Variants in RTN1 observed in about 807,000 individuals in gnomAD.
The protein encoded by RTN1 is reticulon-1.
RTN1 carries 25 observed loss-of-function variants against 65.5 expected under a neutral mutation model. The observed-to-expected ratio is 0.38, with a 90% CI of 0.28 to 0.53. The LOEUF is 0.53. Ranked by LOEUF, RTN1 falls within the 20% of genes least tolerant of loss-of-function variation. The pLI, the probability that RTN1 is intolerant of heterozygous loss-of-function variation, is 0.79. For synonymous variants in RTN1, 471 were observed against 447.6 expected (o/e 1.05, Z -0.66); for missense variants, 983 against 1,025.4 (o/e 0.96, Z 0.57).
intron 3 of RTN1, among the ~76,000 whole-genome samples, chr14:59,683,580 A>C (rs1883786102): frequency 6.6e-6 from 1 of 152,138 alleles, no homozygotes; most frequent in African/African-American, 2.4e-5. Flanking sequence ...ACAACTTCTG[A>C]AAACTTTCTT....
intron 1 of RTN1, among the ~76,000 whole-genome samples, chr14:59,783,326 C>T (rs1438414837): frequency 1.3e-5 from 2 of 152,064 alleles, no homozygotes; most frequent in African/African-American, 4.8e-5. Context: ...AAGAAAGGTG[C>T]CCTGGTGGGG....
chr14:59,828,782 G>A (rs945443624), intron 1 of RTN1, among the ~76,000 whole-genome samples: 16 of 152,152 alleles, frequency 1.1e-4, no homozygotes, highest in African/African-American at 3.6e-4. Context: ...CTCATAGTGG[G>A]GGAAAGGGAA....
chr14:59,674,840 A>C (rs1384865596), intron 3 of RTN1, among the ~76,000 whole-genome samples: 1 of 152,186 alleles, frequency 6.6e-6, no homozygotes, highest in Non-Finnish European at 1.5e-5. Context: ...TTAAAAGACA[A>C]AGTTATCTAT....
At chr14:59,764,929 T>C (rs1885821356) in intron 1 of RTN1, among the ~76,000 whole-genome samples, 1 of 152,198 alleles carries the variant, frequency 6.6e-6, no homozygotes, top group Non-Finnish European at 1.5e-5. Flanking sequence ...CATTCCTCTT[T>C]ATGTTGTCAG....
At chr14:59,800,181 T>G (rs1459105391) in intron 1 of RTN1, among the ~76,000 whole-genome samples, 44 of 152,182 alleles carry the variant, frequency 2.9e-4, no homozygotes, top group Non-Finnish European at 5.9e-5. Context: ...TGAGAGGAAT[T>G]TGAAGCCTGT....
chr14:59,869,539 G>C (rs1473409386), intron 1 of RTN1, among the ~76,000 whole-genome samples: 2 of 144,754 alleles, frequency 1.4e-5, no homozygotes, highest in African/African-American at 2.5e-5. Flanking sequence ...TGAATAGGGC[G>C]TCAGGCGAAG....
At chr14:59,671,550 C>T (rs1228778779) in intron 3 of RTN1, among the ~76,000 whole-genome samples, 1 of 152,194 alleles carries the variant, frequency 6.6e-6, no homozygotes, top group African/African-American at 2.4e-5. Context: ...AACAGACTTA[C>T]AAGGAAGGGC....
At position 59,723,422 on chromosome 14, in the gene RTN1, T is replaced by C. The variant is rs534745235; in HGVS notation, c.1765+3497A>G. Among the ~76,000 whole-genome samples the C allele has an allele frequency of 3.2e-3, 485 of 150,924 alleles. 2 individuals carry two copies. The highest frequency in any genetic ancestry group is 5.6e-3 in the Non-Finnish European group (380 of 67,720). ...GAGATCAAGACCATCCTGGCTAACA[T>C]GGTGAAACCCCATCTCCACTAAAAA... On this transcript the variant is annotated intron_variant, in intron 3 of 8. Transcript: ENST00000267484.
In RTN1 at chr14:59,694,623, G is replaced by A. The variant is rs768426220; in HGVS notation, c.1765+32296C>T. On this transcript the variant is annotated intron_variant, in intron 3 of 8. Coordinates refer to ENST00000267484, the MANE Select transcript of RTN1 (RefSeq NM_021136.3). ...GAGAAAAATGCTATATGGTGTCTTA[G>A]AGCCTCACAGCTCAGGTTGAAAAGA... 2.0e-5 allele frequency among the ~76,000 whole-genome samples: 3 copies of A among 152,158 alleles called. No individual in the cohort carries two copies. The East Asian group carries it at 5.8e-4, about 29-fold the overall frequency.
At chr14:59,770,157 G>A (rs1055509617) in intron 1 of RTN1, among the ~76,000 whole-genome samples, 1 of 151,484 alleles carries the variant, frequency 6.6e-6, no homozygotes, top group African/African-American at 2.4e-5. Context: ...GTGGGCAGAT[G>A]ACCTGAAGCC....
At chr14:59,637,009 C>A (rs773828090) in intron 3 of RTN1, among the ~76,000 whole-genome samples, 5 of 152,168 alleles carry the variant, frequency 3.3e-5, no homozygotes, top group Non-Finnish European at 7.3e-5. Flanking sequence ...AGTAAGACAG[C>A]AGTAAAGTTT....
chr14:59,848,066 G>A (rs55943355), intron 1 of RTN1, among the ~76,000 whole-genome samples: 19,232 of 152,146 alleles, frequency 0.13, 1,387 homozygotes, highest in South Asian at 0.23. Flanking sequence ...TCTTTCATCT[G>A]AGTAATGGCT....
chr14:59,813,407 C>T (rs1447069454), intron 1 of RTN1, among the ~76,000 whole-genome samples: 1 of 152,080 alleles, frequency 6.6e-6, no homozygotes, highest in Non-Finnish European at 1.5e-5. Flanking sequence ...AGTTTACTGG[C>T]CAAATTCAAT....
chr14:59,602,430 T>C (rs1294525668), intron 8 of RTN1, among the ~76,000 whole-genome samples: 1 of 152,164 alleles, frequency 6.6e-6, no homozygotes, highest in African/African-American at 2.4e-5. Flanking sequence ...GGAAAACTCC[T>C]AAGTTTAATG....
At chr14:59,779,039 A>C (rs1362733844) in intron 1 of RTN1, among the ~76,000 whole-genome samples, 1 of 152,190 alleles carries the variant, frequency 6.6e-6, no homozygotes, top group South Asian at 2.1e-4. Context: ...GAGTCTGGAA[A>C]CTGGAAGATC....
At chr14:59,750,116 A>ATAGAC in intron 1 of RTN1, among the ~76,000 whole-genome samples, 1 of 85,774 alleles carries the variant, frequency 1.2e-5, no homozygotes, top group East Asian at 3.1e-4. Context: ...TATTATATAT[A>ATAGAC]ATATATATTA....
chr14:59,644,063 C>A (rs1594649864), intron 3 of RTN1, among the ~76,000 whole-genome samples: 1 of 152,132 alleles, frequency 6.6e-6, no homozygotes, highest in South Asian at 2.1e-4. Context: ...GATAAAGACA[C>A]AGAAACTCTA....
intron 3 of RTN1, among the ~76,000 whole-genome samples, chr14:59,684,322 T>G (rs747940890): frequency 6.6e-6 from 1 of 152,056 alleles, no homozygotes; most frequent in African/African-American, 2.4e-5. Flanking sequence ...TACTGATTTT[T>G]CACATTACTT....
Position 59,655,082 on chromosome 14 carries a change from C to T in RTN1, c.1766-47590G>A, listed in dbSNP as rs148026717. ...AAACTTCTAAGGAATCCACACAAAA[C>T]GATTTAGAGGTAATACATCCAGCAG... is the stretch of plus-strand genomic sequence containing the variant. On this transcript the variant is annotated intron_variant, in intron 3 of 8. Coordinates refer to ENST00000267484, the MANE Select transcript of RTN1 (RefSeq NM_021136.3). Among the ~76,000 whole-genome samples the T allele has an allele frequency of 2.7e-3, 407 of 152,200 alleles. 1 individual carries two copies. The highest frequency in any genetic ancestry group is 8.7e-3 in the African/African-American group (360 of 41,540).
Sources: gnomAD v4.1 joint callset for allele counts (sites outside exome capture counted in the v4.1 genomes callset) on GRCh38, gnomAD v4.1.1 for gene constraint, MANE v1.5 for transcripts, NCBI Gene and HGNC (gene_info 2026-07-23, HGNC 2026-07-21) for gene names.